The following NTNG1 variants were observed in gnomAD, a reference collection of about 807,000 sequenced individuals.
NTNG1 encodes the protein netrin G1.
NTNG1 carries 16 observed loss-of-function variants against 54.0 expected under a neutral mutation model. The ratio of observed to expected loss-of-function variants is 0.30; its 90% CI spans 0.20 to 0.45. The LOEUF (loss-of-function observed/expected upper bound fraction) is 0.45. Among genes scored for constraint, NTNG1 ranks in the 20% least tolerant of loss-of-function variants. NTNG1 has a pLI of 1.00. For missense variants in NTNG1, 530 were observed against 678.7 expected (o/e 0.78, Z 2.43); for synonymous variants, 255 against 263.1 (o/e 0.97, Z 0.30).
At chr1:107,237,015 C>G (rs967250939) in intron 2 of NTNG1, among the ~76,000 whole-genome samples, 10 of 152,106 alleles carry the variant, frequency 6.6e-5, no homozygotes, top group African/African-American at 2.4e-4. Context: ...AGGTAACAGG[C>G]AGAGATTGGA....
chr1:107,312,563 G>A (rs72985548), intron 2 of NTNG1, among the ~76,000 whole-genome samples: 9,359 of 152,164 alleles, frequency 0.062, 408 homozygotes, highest in African/African-American at 0.12. Flanking sequence ...ATCTGACCCA[G>A]AGCCATGCCT....
chr1:107,421,040 A>G lies in NTNG1; in HGVS notation c.1088-9710A>G, dbSNP rs766263747. On this transcript the variant is annotated intron_variant, in intron 5 of 7. Transcript: ENST00000370068. ...TAAGTTATTACAGTTTGAACGTTTC[A>G]CTATTGTTTCTAATTTACTGTTCAT... 6.5e-6 allele frequency: 9 copies of G among 1,379,232 alleles called. No homozygotes were observed. In the South Asian group the frequency reaches 9.6e-5, roughly 15 times the overall value. The allele number at this position is 1,379,232 out of a possible 1,614,324, so 85.4% of individuals were successfully genotyped here.
rs1668298310 is a variant in NTNG1 at position 107,331,832 on chromosome 1, A to T, written c.887+6910A>T. ...CCTCTTTCATATAATAAAATTTCAT[A>T]AATTTTTAATCAATGATTCTCTCCA... On this transcript the variant is annotated intron_variant, in intron 3 of 7. Coordinates refer to ENST00000370068, the MANE Select transcript of NTNG1 (RefSeq NM_001113226.3). Among the ~76,000 whole-genome samples, 2 of 152,064 alleles carry T rather than the reference A, an allele frequency of 1.3e-5. 1 individual carries two copies. Among genetic ancestry groups the T allele is most frequent in the South Asian group, 4.1e-4 (2 of 4,826 alleles).
At chr1:107,238,158 G>T (rs752084156) in intron 2 of NTNG1, among the ~76,000 whole-genome samples, 1 of 152,168 alleles carries the variant, frequency 6.6e-6, no homozygotes, top group African/African-American at 2.4e-5. Flanking sequence ...TTTCATCATC[G>T]TGACCTGGAT....
intron 7 of NTNG1, among the ~76,000 whole-genome samples, chr1:107,468,663 C>T (rs1209641980): frequency 6.6e-6 from 1 of 152,152 alleles, no homozygotes; most frequent in East Asian, 1.9e-4. Context: ...ACCCTATGTT[C>T]CAAAGTTAAC....
intron 2 of NTNG1, among the ~76,000 whole-genome samples, chr1:107,199,869 C>A (rs781477137): frequency 1.4e-4 from 21 of 151,786 alleles, no homozygotes; most frequent in Non-Finnish European, 3.1e-4. Flanking sequence ...ATCCTCTTGG[C>A]TTACTCAATG....
chr1:107,331,420 T>G (rs1668273281), intron 3 of NTNG1, among the ~76,000 whole-genome samples: 1 of 152,128 alleles, frequency 6.6e-6, no homozygotes, highest in Non-Finnish European at 1.5e-5. Context: ...CTTACTTCAT[T>G]TTTATCAACT....
At chr1:107,432,983 G>C (rs1440245240) in intron 6 of NTNG1, among the ~76,000 whole-genome samples, 1 of 152,024 alleles carries the variant, frequency 6.6e-6, no homozygotes, top group Non-Finnish European at 1.5e-5. Context: ...CCACAGACTA[G>C]AAAACAATCC....
At chr1:107,405,673 A>G (rs941726626) in intron 4 of NTNG1, among the ~76,000 whole-genome samples, 4 of 152,102 alleles carry the variant, frequency 2.6e-5, no homozygotes, top group Admixed American at 6.6e-5. Context: ...CTGGCCTTCT[A>G]GCACCTTGTA....
At chr1:107,160,297 C>G (rs1462760326) in intron 2 of NTNG1, among the ~76,000 whole-genome samples, 1 of 152,126 alleles carries the variant, frequency 6.6e-6, no homozygotes, top group East Asian at 1.9e-4. Flanking sequence ...TAAGAATCCT[C>G]CTTAACTCCT....
chr1:107,185,230 G>A (rs1303199864), intron 2 of NTNG1, among the ~76,000 whole-genome samples: 1 of 152,184 alleles, frequency 6.6e-6, no homozygotes, highest in East Asian at 1.9e-4. Context: ...TGGCTTAAAA[G>A]CATGCATATA....
intron 6 of NTNG1, among the ~76,000 whole-genome samples, chr1:107,434,802 C>T (rs1035267295): frequency 6.6e-6 from 1 of 152,090 alleles, no homozygotes; most frequent in Non-Finnish European, 1.5e-5. Flanking sequence ...AAATATGATC[C>T]TCCAAGACTC....
chr1:107,447,471 C>T (rs2101462539), intron 7 of NTNG1, among the ~76,000 whole-genome samples: 1 of 152,238 alleles, frequency 6.6e-6, no homozygotes, highest in South Asian at 2.1e-4. Flanking sequence ...TGAAATATTA[C>T]ACCCTTGTTC....
intron 7 of NTNG1, among the ~76,000 whole-genome samples, chr1:107,470,922 TG>T (rs1312711729): frequency 6.6e-6 from 1 of 152,176 alleles, no homozygotes; most frequent in African/African-American, 2.4e-5. Context: ...TTTTTCAGGT[TG>T]CAAAGGCCAA....
chr1:107,200,854 A>G (rs1658701276), intron 2 of NTNG1, among the ~76,000 whole-genome samples: 1 of 151,848 alleles, frequency 6.6e-6, no homozygotes, highest in Non-Finnish European at 1.5e-5. Flanking sequence ...TAAAAAACTC[A>G]GTAAGTATAT....
At chr1:107,352,081 G>A (rs893453140) in intron 3 of NTNG1, among the ~76,000 whole-genome samples, 3 of 152,380 alleles carry the variant, frequency 2.0e-5, no homozygotes, top group Non-Finnish European at 4.4e-5. Context: ...GCTTTGCAGG[G>A]TTCAGCCCCT....
At chr1:107,429,013 C>T (rs1675083741) in intron 5 of NTNG1, among the ~76,000 whole-genome samples, 1 of 152,106 alleles carries the variant, frequency 6.6e-6, no homozygotes, top group Non-Finnish European at 1.5e-5. Flanking sequence ...TACTCTCCCT[C>T]TCCTCCATAC....
chr1:107,230,087 G>A (rs1660969063), intron 2 of NTNG1, among the ~76,000 whole-genome samples: 1 of 152,110 alleles, frequency 6.6e-6, no homozygotes, highest in East Asian at 1.9e-4. Flanking sequence ...AGGAAACTAA[G>A]TATTAAATAT....
intron 2 of NTNG1, among the ~76,000 whole-genome samples, chr1:107,284,042 CA>C (rs1557868618): frequency 6.6e-6 from 1 of 152,086 alleles, no homozygotes; most frequent in Non-Finnish European, 1.5e-5. Context: ...TTGGAGCATT[CA>C]TTTTATTTTC....
Sources: allele counts gnomAD v4.1 joint callset (sites outside exome capture counted in the v4.1 genomes callset), GRCh38; gene constraint gnomAD v4.1.1; transcripts MANE v1.5; gene names NCBI Gene and HGNC (gene_info 2026-07-23, HGNC 2026-07-21).